VPS53: variants seen among roughly 807,000 people sequenced by gnomAD.
VPS53 encodes the protein vacuolar protein sorting-associated protein 53 homolog.
VPS53 carries 70 observed loss-of-function variants against 107.0 expected under a neutral mutation model. The observed-to-expected ratio is 0.65, with a 90% CI of 0.54 to 0.80. The LOEUF (loss-of-function observed/expected upper bound fraction) is 0.80, where lower values mean the gene tolerates loss of function less well. Ranked by LOEUF, VPS53 falls within the 30% of genes least tolerant of loss-of-function variation. The pLI is 0.00. For synonymous variants in VPS53, 409 were observed against 393.3 expected, an observed-to-expected ratio of 1.04 and a Z score of -0.47; for missense variants, 917 against 1,049.4, an observed-to-expected ratio of 0.87 and a Z score of 1.74.
At chr17:655,997 A>G in intron 5 of VPS53, 44 bp from the exon 6 acceptor site, 1 of 1,546,614 alleles carries the variant, frequency 6.5e-7, no homozygotes, top group Non-Finnish European at 8.9e-7. Context: ...GACGGTCAAG[A>G]AAGATGTAAA....
chr17:685,825 C>T (rs978003534), intron 4 of VPS53, among the ~76,000 whole-genome samples: 4 of 151,980 alleles, frequency 2.6e-5, no homozygotes, highest in African/African-American at 4.8e-5. Flanking sequence ...TAAAGGAACA[C>T]CCCATCACTA....
chr17:619,309 C>G (rs1334637268), intron 11 of VPS53, among the ~76,000 whole-genome samples: 1 of 147,232 alleles, frequency 6.8e-6, no homozygotes, highest in Admixed American at 6.8e-5. Flanking sequence ...GTAGCTGGGA[C>G]TACAGGCGCG....
intron 7 of VPS53, among the ~76,000 whole-genome samples, chr17:648,540 G>C (rs1039330631): frequency 6.6e-6 from 1 of 152,190 alleles, no homozygotes; most frequent in Admixed American, 6.5e-5. Context: ...GATGGAGTGA[G>C]ACTTGGTCTC....
chr17:525,232 CAT>C (rs1209642150), intron 19 of VPS53, among the ~76,000 whole-genome samples: 1 of 152,084 alleles, frequency 6.6e-6, no homozygotes, highest in Non-Finnish European at 1.5e-5. Flanking sequence ...AAAACAAAAT[CAT>C]ATATCATTTG....
intron 11 of VPS53, among the ~76,000 whole-genome samples, chr17:615,776 C>A (rs1425367688): frequency 6.6e-6 from 1 of 152,132 alleles, no homozygotes; most frequent in Admixed American, 6.5e-5. Context: ...GGGAAGGGGT[C>A]AGGGGCCAGG....
rs1285053489 is a variant in VPS53 at position 698,305 on chromosome 17, T to C, written c.219-821A>G. On this transcript the variant is annotated intron_variant, in intron 3 of 21. Coordinates refer to ENST00000437048, the MANE Select transcript of VPS53 (RefSeq NM_001128159.3). ...AAAATTAGCTGGGCATGGTGGTGCA[T>C]GCCTATAATTCCAGCTACTTGGGTG... 2.6e-5 allele frequency among the ~76,000 whole-genome samples: 4 copies of C among 151,808 alleles called. 1 individual carries two copies. The South Asian group carries it at 6.2e-4, about 24-fold the overall frequency.
At chr17:537,416 T>C (rs947427604) in intron 17 of VPS53, 1 of 456,980 alleles carries the variant, frequency 2.2e-6, no homozygotes, top group African/African-American at 2.0e-5. Flanking sequence ...TTTCCTGCCT[T>C]GTCCCCGACC....
chr17:697,594 A>C, intron 3 of VPS53, 110 bp from the exon 4 acceptor site: 2 of 867,040 alleles, frequency 2.3e-6, no homozygotes, highest in Non-Finnish European at 3.7e-6. Context: ...GACTGCACCT[A>C]ATTGTCCAGA....
chr17:559,704 T>C (rs1224996756), intron 15 of VPS53, among the ~76,000 whole-genome samples: 2 of 152,282 alleles, frequency 1.3e-5, no homozygotes, highest in Non-Finnish European at 2.9e-5. Flanking sequence ...TCTAGGCATC[T>C]GTAAATTATA....
In VPS53 at chr17:653,557, T is replaced by C. The variant is rs1327179855; in HGVS notation, c.489-147A>G. On this transcript the variant is annotated intron_variant, in intron 6 of 21. Transcript: ENST00000437048. ...CACTGAGTATATAAGCTGCTGTGCG[T>C]TGTGGGAGGAAAAAACAGGATCTGG... 5 of 1,288,490 alleles carry C rather than the reference T, an allele frequency of 3.9e-6. No homozygotes were observed. The African/African-American group carries it at 4.5e-5, about 12-fold the overall frequency. The allele number at this position is 1,288,490 out of a possible 1,614,324, so 79.8% of individuals were successfully genotyped here. A position where few individuals can be genotyped will look rare whatever the true frequency, so the allele number is the denominator to read the frequency against.
rs553386525 is a variant in VPS53 at position 652,247 on chromosome 17, G to A, written c.608+1044C>T. On this transcript the variant is annotated intron_variant, in intron 7 of 21. Coordinates refer to ENST00000437048, the MANE Select transcript of VPS53 (RefSeq NM_001128159.3). ...TGACCTCGGGTGATCCACCCGCCTCGGCCTCCCAAAGTGCTGGGATTACAG... is the reference window on the plus strand; with the variant it reads ...TGACCTCGGGTGATCCACCCGCCTCAGCCTCCCAAAGTGCTGGGATTACAG... Among the ~76,000 whole-genome samples, 22 of 152,136 alleles carry A rather than the reference G, an allele frequency of 1.4e-4. 1 individual carries two copies. The highest frequency in any genetic ancestry group is 7.7e-4 in the East Asian group (4 of 5,172).
chr17:567,888 A>AAGGGGAGGGG (rs551117016), intron 13 of VPS53, among the ~76,000 whole-genome samples: 1 of 144,340 alleles, frequency 6.9e-6, no homozygotes, highest in Non-Finnish European at 1.5e-5. Context: ...GACATTGTCG[A>AAGGGGAGGGG]AGGGGAGGGG....
At chr17:545,591 A>G (rs1053933545) in intron 17 of VPS53, among the ~76,000 whole-genome samples, 28 of 152,166 alleles carry the variant, frequency 1.8e-4, no homozygotes, top group African/African-American at 6.3e-4. Flanking sequence ...TTGTTTACCA[A>G]TCTTTGGTCA....
At chr17:571,660 A>G (rs1372855779) in intron 13 of VPS53, among the ~76,000 whole-genome samples, 2 of 152,172 alleles carry the variant, frequency 1.3e-5, no homozygotes, top group African/African-American at 2.4e-5. Context: ...CTCCTGCCTC[A>G]GCCTGCCGAG....
intron 19 of VPS53, among the ~76,000 whole-genome samples, chr17:525,072 G>C (rs146200385): frequency 6.6e-6 from 1 of 152,204 alleles, no homozygotes; most frequent in South Asian, 2.1e-4. Flanking sequence ...CAGCACATTC[G>C]TGCAATGGAA....
chr17:695,008 T>G (rs188264298), intron 4 of VPS53, among the ~76,000 whole-genome samples: 1 of 152,192 alleles, frequency 6.6e-6, no homozygotes, highest in Non-Finnish European at 1.5e-5. Flanking sequence ...CCTGGCTCAG[T>G]TGAATAAAAT....
chr17:530,592 T>A (rs760843029), intron 19 of VPS53, among the ~76,000 whole-genome samples: 1 of 152,222 alleles, frequency 6.6e-6, no homozygotes, highest in Non-Finnish European at 1.5e-5. Context: ...AATATTGTAT[T>A]TTTTGCCTTG....
intron 11 of VPS53, among the ~76,000 whole-genome samples, chr17:608,621 T>G (rs1227329247): frequency 6.9e-6 from 1 of 144,394 alleles, no homozygotes; most frequent in Non-Finnish European, 1.5e-5. Flanking sequence ...TCTTTTCTTT[T>G]CTTTTTTTTT....
chr17:589,961 C>T (rs1967552649), intron 12 of VPS53, among the ~76,000 whole-genome samples: 1 of 151,996 alleles, frequency 6.6e-6, no homozygotes. Context: ...TGTAAATTAC[C>T]TTGGGCAGTA....
Sources: allele counts gnomAD v4.1 joint callset (sites outside exome capture counted in the v4.1 genomes callset), GRCh38; gene constraint gnomAD v4.1.1; transcripts MANE v1.5; gene names NCBI Gene and HGNC (gene_info 2026-07-23, HGNC 2026-07-21).